OLFM3: variants seen among roughly 807,000 people sequenced by gnomAD.
The protein encoded by OLFM3 is noelin-3.
OLFM3 carries 20 observed loss-of-function variants against 48.6 expected under a neutral mutation model. The observed-to-expected ratio is 0.41, with a 90% CI of 0.29 to 0.60. OLFM3 has a LOEUF of 0.60. Ranked by LOEUF, OLFM3 falls within the 20% of genes least tolerant of loss-of-function variation. The pLI is 0.28. For missense variants in OLFM3, 437 were observed against 544.3 expected (o/e 0.80, Z 1.96); for synonymous variants, 222 against 198.1 (o/e 1.12, Z -1.01).
intron 1 of OLFM3, among the ~76,000 whole-genome samples, chr1:101,930,003 TA>T (rs1187395448): frequency 6.6e-6 from 1 of 152,040 alleles, no homozygotes; most frequent in Non-Finnish European, 1.5e-5. Flanking sequence ...AGAAACCACA[TA>T]AATTATATGA....
At chr1:101,828,385 A>T (rs1351583666) in intron 3 of OLFM3, among the ~76,000 whole-genome samples, 2 of 152,102 alleles carry the variant, frequency 1.3e-5, no homozygotes, top group Non-Finnish European at 2.9e-5. Flanking sequence ...ATTCTGAAAA[A>T]TCATTATTGT....
intron 3 of OLFM3, among the ~76,000 whole-genome samples, chr1:101,827,681 T>C (rs180991881): frequency 6.6e-6 from 1 of 152,222 alleles, no homozygotes; most frequent in African/African-American, 2.4e-5. Flanking sequence ...TTATTATTAT[T>C]TGTAATTCAG....
At chr1:101,882,247 T>C (rs1195268521) in intron 1 of OLFM3, among the ~76,000 whole-genome samples, 1 of 149,884 alleles carries the variant, frequency 6.7e-6, no homozygotes, top group Non-Finnish European at 1.5e-5. Context: ...AAAAATGTTA[T>C]ATCCAAAAAT....
chr1:101,929,564 T>C (rs1002741737), intron 1 of OLFM3, among the ~76,000 whole-genome samples: 1 of 152,126 alleles, frequency 6.6e-6, no homozygotes, highest in Non-Finnish European at 1.5e-5. Flanking sequence ...GACAGCATAA[T>C]GAAAGTTAAT....
chr1:101,816,110 A>G (rs938495797), intron 4 of OLFM3, among the ~76,000 whole-genome samples: 2 of 152,234 alleles, frequency 1.3e-5, no homozygotes, highest in Admixed American at 1.3e-4. Context: ...GCATAAGATC[A>G]AAGAAATAAC....
At chr1:101,980,324 C>A (rs1453762716) in intron 1 of OLFM3, among the ~76,000 whole-genome samples, 1 of 152,048 alleles carries the variant, frequency 6.6e-6, no homozygotes, top group Non-Finnish European at 1.5e-5. Flanking sequence ...TGGTTTGGCT[C>A]TGTCTGCACT....
intron 1 of OLFM3, among the ~76,000 whole-genome samples, chr1:101,995,107 A>G (rs1025793973): frequency 6.6e-6 from 1 of 152,114 alleles, no homozygotes; most frequent in Non-Finnish European, 1.5e-5. Flanking sequence ...CAAATCACAC[A>G]CAAAATTGTT....
intron 1 of OLFM3, among the ~76,000 whole-genome samples, chr1:101,945,554 A>C (rs937108861): frequency 9.9e-5 from 15 of 152,098 alleles, no homozygotes; most frequent in African/African-American, 3.6e-4. Flanking sequence ...GAGTGGTGAT[A>C]GATTTTTTTT....
At chr1:101,970,191 A>G (rs927890112) in intron 1 of OLFM3, among the ~76,000 whole-genome samples, 3 of 151,792 alleles carry the variant, frequency 2.0e-5, no homozygotes, top group Non-Finnish European at 4.4e-5. Context: ...AATTTTTTGT[A>G]TTTTTAGTAG....
intron 1 of OLFM3, among the ~76,000 whole-genome samples, chr1:101,986,073 C>T (rs1280280656): frequency 6.6e-6 from 1 of 151,278 alleles, no homozygotes; most frequent in Non-Finnish European, 1.5e-5. Flanking sequence ...TCACGCCATT[C>T]TCCTGCCTCA....
intron 1 of OLFM3, among the ~76,000 whole-genome samples, chr1:101,897,233 ATCTC>A (rs1019065030): frequency 2.0e-5 from 3 of 152,224 alleles, no homozygotes; most frequent in Admixed American, 6.5e-5. Flanking sequence ...AATTAATACT[ATCTC>A]TATGCTAAAA....
intron 1 of OLFM3, among the ~76,000 whole-genome samples, chr1:101,926,868 AG>A (rs1659288193): frequency 6.6e-6 from 1 of 152,180 alleles, no homozygotes; most frequent in South Asian, 2.1e-4. Flanking sequence ...GATTTTTAAA[AG>A]GCTTACTATT....
At chr1:101,848,280 T>A (rs1656088936) in intron 1 of OLFM3, among the ~76,000 whole-genome samples, 1 of 152,210 alleles carries the variant, frequency 6.6e-6, no homozygotes, top group African/African-American at 2.4e-5. Flanking sequence ...TGTTTTGATT[T>A]CTTAGGAGAA....
At chr1:101,858,795 C>T (rs149045400) in intron 1 of OLFM3, among the ~76,000 whole-genome samples, 21 of 152,184 alleles carry the variant, frequency 1.4e-4, no homozygotes, top group African/African-American at 5.1e-4. Flanking sequence ...CCCAGCCATG[C>T]TTCCTGTACA....
chr1:101,881,997 T>A (rs1419320632), intron 1 of OLFM3, among the ~76,000 whole-genome samples: 9 of 151,624 alleles, frequency 5.9e-5, no homozygotes, highest in Non-Finnish European at 8.8e-5. Context: ...GTACTTTTCA[T>A]ACTGTTGGAT....
chr1:101,879,952 A>C (rs1158549339), intron 1 of OLFM3, among the ~76,000 whole-genome samples: 1 of 151,862 alleles, frequency 6.6e-6, no homozygotes, highest in East Asian at 1.9e-4. Flanking sequence ...ATCTCCTAAA[A>C]TCTGGGATTA....
rs12082784 is a variant in OLFM3, at chr1:101,812,989, T to G, written c.593-6807A>C. 1.2e-3 allele frequency: 1,287 copies of G among 1,070,410 alleles called. 15 individuals carry two copies. In the African/African-American group the frequency reaches 0.02, roughly 17 times the overall value. 66.3% of individuals were successfully genotyped at this position (1,070,410 alleles called of 1,614,324 possible). Reference sequence around the variant, plus strand: ...ATTAATTTATTCATTTGACAACCATTTACTGTGAACTTATTTTGTACCAGA... The same window carrying G: ...ATTAATTTATTCATTTGACAACCATGTACTGTGAACTTATTTTGTACCAGA... On this transcript the variant is annotated intron_variant, in intron 4 of 5. Transcript: ENST00000370103.
intron 1 of OLFM3, among the ~76,000 whole-genome samples, chr1:101,946,193 T>G (rs1478175680): frequency 7.9e-6 from 1 of 126,076 alleles, no homozygotes; most frequent in Non-Finnish European, 1.7e-5. Context: ...TGCTTAGACA[T>G]TTCTCTAATC....
chr1:101,844,468 T>C (rs1004604383), intron 1 of OLFM3, among the ~76,000 whole-genome samples: 2 of 152,056 alleles, frequency 1.3e-5, no homozygotes, highest in African/African-American at 4.8e-5. Flanking sequence ...CTTTGTTGAG[T>C]AGGGAGGTAG....
Sources: gnomAD v4.1 joint callset for allele counts (sites outside exome capture counted in the v4.1 genomes callset) on GRCh38, gnomAD v4.1.1 for gene constraint, MANE v1.5 for transcripts, NCBI Gene and HGNC (gene_info 2026-07-23, HGNC 2026-07-21) for gene names.